Variants in ARMH1 observed in about 807,000 individuals in gnomAD.
The protein encoded by ARMH1 is armadillo-like helical domain containing protein 1.
Under a neutral mutation model 50.2 loss-of-function variants are expected in ARMH1, and 34 were observed. The observed-to-expected ratio is 0.68, with a 90% CI of 0.51 to 0.90. The LOEUF is 0.90. Among genes scored for constraint, ARMH1 ranks in the 40% least tolerant of loss-of-function variants. ARMH1 has a pLI of 0.00. For missense variants in ARMH1, 538 were observed against 553.9 expected, an observed-to-expected ratio of 0.97 and a Z score of 0.29; for synonymous variants, 221 against 224.2, an observed-to-expected ratio of 0.99 and a Z score of 0.13.
intron 6 of ARMH1, among the ~76,000 whole-genome samples, chr1:44,707,423 G>GA (rs955292925): frequency 6.6e-5 from 10 of 151,454 alleles, no homozygotes; most frequent in Non-Finnish European, 7.4e-5. Flanking sequence ...AGAAGTCTGT[G>GA]AAAAAAAAAT....
At chr1:44,718,743 G>A (rs1408381566) in intron 6 of ARMH1, among the ~76,000 whole-genome samples, 1 of 152,188 alleles carries the variant, frequency 6.6e-6, no homozygotes, top group East Asian at 1.9e-4. Flanking sequence ...AGCGTTTCTG[G>A]GCCGGGCATG....
intron 2 of ARMH1, among the ~76,000 whole-genome samples, chr1:44,694,571 G>A (rs1645764960): frequency 6.9e-6 from 1 of 144,332 alleles, no homozygotes; most frequent in African/African-American, 2.6e-5. Context: ...GTGCAGTGGT[G>A]CAATCTCGGC....
chr1:44,677,157 G>A (rs1197289944), intron 1 of ARMH1, among the ~76,000 whole-genome samples: 1 of 152,222 alleles, frequency 6.6e-6, no homozygotes, highest in African/African-American at 2.4e-5. Flanking sequence ...ATTGAAAAGA[G>A]CAGAGAAAGA....
At chr1:44,711,198 G>T (rs572408577) in intron 6 of ARMH1, among the ~76,000 whole-genome samples, 1 of 152,244 alleles carries the variant, frequency 6.6e-6, no homozygotes, top group East Asian at 1.9e-4. Context: ...CAGTTCTTTG[G>T]GGTATATTAC....
At chr1:44,701,240 G>T in intron 5 of ARMH1, 121 bp downstream of exon 5, 2 of 990,382 alleles carry the variant, frequency 2.0e-6, no homozygotes, top group Non-Finnish European at 2.9e-6. Flanking sequence ...CTGCATGTCT[G>T]TTGTTCAATC....
intron 6 of ARMH1, among the ~76,000 whole-genome samples, chr1:44,719,025 G>GAA (rs35822364): frequency 0.24 from 18,572 of 78,178 alleles, 2,083 homozygotes; most frequent in African/African-American, 0.34. Context: ...AACTGTCTCG[G>GAA]AAAAAAAAAA....
chr1:44,690,955 G>A (rs544131033), intron 2 of ARMH1, among the ~76,000 whole-genome samples: 120 of 152,030 alleles, frequency 7.9e-4, no homozygotes, highest in Non-Finnish European at 1.4e-3. Flanking sequence ...GCCCAGTGAA[G>A]CTTCTTGAAA....
intron 1 of ARMH1, among the ~76,000 whole-genome samples, chr1:44,687,642 C>A (rs114673649): frequency 3.2e-4 from 48 of 152,294 alleles, no homozygotes; most frequent in African/African-American, 1.1e-3. Context: ...TGTTCTTCCA[C>A]TCTCCCCCAA....
intron 6 of ARMH1, among the ~76,000 whole-genome samples, chr1:44,714,899 TGGG>T (rs1375522234): frequency 1.3e-5 from 2 of 151,628 alleles, no homozygotes; most frequent in East Asian, 3.9e-4. Flanking sequence ...CTTTTTTTGT[TGGG>T]GGGGAAACAG....
At position 44,725,384 on chromosome 1, in the gene ARMH1, A is replaced by G; in HGVS notation, c.1304A>G (p.Asp435Gly). ...QMAYLTHFEEDVESKE is the reference protein window; with the variant it reads ...QMAYLTHFEEGVESKE The stretch of plus-strand genomic sequence containing the variant: ...GCCTACCTCACACACTTCGAGGAGG[A>G]TGTAGAATCAAAGGAGTAACAGCCC... Residue 435 changes from aspartate (D) to glycine (G), a missense_variant, in exon 12 of 12, where the codon GAT becomes GGT. Coordinates refer to ENST00000535358, the MANE Select transcript of ARMH1 (RefSeq NM_001145636.2). 6.4e-7 allele frequency: 1 copy of G among 1,551,706 alleles called. No homozygotes were observed. The highest frequency in any genetic ancestry group is 8.7e-7 in the Non-Finnish European group (1 of 1,146,984).
chr1:44,690,357 A>G (rs1369277301), intron 2 of ARMH1, among the ~76,000 whole-genome samples: 2 of 152,192 alleles, frequency 1.3e-5, no homozygotes, highest in Non-Finnish European at 2.9e-5. Context: ...AAAAATCCTT[A>G]GAGTCAAGAA....
At chr1:44,722,089 G>A (rs1647329997) in intron 6 of ARMH1, among the ~76,000 whole-genome samples, 1 of 152,136 alleles carries the variant, frequency 6.6e-6, no homozygotes, top group South Asian at 2.1e-4. Context: ...GATAACCCTG[G>A]TAATAATTCT....
intron 5 of ARMH1, among the ~76,000 whole-genome samples, chr1:44,702,826 A>G (rs1457509642): frequency 6.6e-6 from 1 of 152,192 alleles, no homozygotes; most frequent in Non-Finnish European, 1.5e-5. Context: ...GGACATGATC[A>G]GCTGGGGTCA....
At chr1:44,721,820 C>T (rs530442159) in intron 6 of ARMH1, 12 of 152,250 alleles carry the variant, frequency 7.9e-5, no homozygotes, top group Admixed American at 3.9e-4. Context: ...AAAATTTAAC[C>T]ATAAACTCAT....
At chr1:44,686,639 G>A (rs1010035346) in intron 1 of ARMH1, among the ~76,000 whole-genome samples, 2 of 152,104 alleles carry the variant, frequency 1.3e-5, no homozygotes, top group Non-Finnish European at 2.9e-5. Context: ...TCACACCACT[G>A]CACTCCAGCC....
At chr1:44,688,203 C>T (rs1476112476) in intron 1 of ARMH1, 2 of 152,248 alleles carry the variant, frequency 1.3e-5, no homozygotes, top group Non-Finnish European at 2.9e-5. Flanking sequence ...CAGGTTGGTC[C>T]GCAGTCATTC....
At chr1:44,705,893 G>A (rs1646322814) in intron 6 of ARMH1, among the ~76,000 whole-genome samples, 1 of 152,170 alleles carries the variant, frequency 6.6e-6, no homozygotes, top group African/African-American at 2.4e-5. Flanking sequence ...AGGTCGAAAG[G>A]AGGAGAGGAG....
intron 6 of ARMH1, among the ~76,000 whole-genome samples, chr1:44,713,781 A>G (rs902847020): frequency 1.3e-5 from 2 of 152,182 alleles, no homozygotes; most frequent in African/African-American, 2.4e-5. Flanking sequence ...GGGATAGTTC[A>G]AAACATCAGT....
chr1:44,692,234 G>A (rs950286854), intron 2 of ARMH1, among the ~76,000 whole-genome samples: 4 of 152,060 alleles, frequency 2.6e-5, no homozygotes, highest in African/African-American at 7.2e-5. Context: ...TATCCTGGGC[G>A]ATGGAGCAAG....
Sources: allele counts gnomAD v4.1 joint callset (sites outside exome capture counted in the v4.1 genomes callset), GRCh38; gene constraint gnomAD v4.1.1; transcripts MANE v1.5; gene names NCBI Gene and HGNC (gene_info 2026-07-23, HGNC 2026-07-21).